Variants in GPC5 observed in about 807,000 individuals in gnomAD.
The protein encoded by GPC5 is glypican-5.
GPC5 carries 47 observed loss-of-function variants against 53.9 expected under a neutral mutation model. The ratio of observed to expected loss-of-function variants is 0.87; its 90% confidence interval spans 0.69 to 1.11. The LOEUF (loss-of-function observed/expected upper bound fraction) is 1.11. Among genes scored for constraint, GPC5 ranks in the 50% most tolerant of loss-of-function variants. GPC5 has a pLI of 0.00. For synonymous variants in GPC5, 286 were observed against 263.3 expected, an observed-to-expected ratio of 1.09 and a Z score of -0.84; for missense variants, 748 against 713.1, an observed-to-expected ratio of 1.05 and a Z score of -0.56.
intron 6 of GPC5, among the ~76,000 whole-genome samples, chr13:92,089,913 A>T (rs2041365970): frequency 6.6e-6 from 1 of 152,210 alleles, no homozygotes; most frequent in Non-Finnish European, 1.5e-5. Flanking sequence ...ACTATATGGT[A>T]TAAGAAGACA....
intron 7 of GPC5, among the ~76,000 whole-genome samples, chr13:92,148,140 A>G (rs1299293357): frequency 6.6e-6 from 1 of 152,100 alleles, no homozygotes; most frequent in African/African-American, 2.4e-5. Flanking sequence ...TTAAAGTTAT[A>G]TATGTGTATA....
chr13:92,380,593 A>G (rs2043730544), intron 7 of GPC5, among the ~76,000 whole-genome samples: 1 of 152,110 alleles, frequency 6.6e-6, no homozygotes, highest in East Asian at 1.9e-4. Flanking sequence ...ACCATGGAAT[A>G]CTATGCAGCC....
chr13:92,834,260 T>C (rs1017604058), intron 7 of GPC5, among the ~76,000 whole-genome samples: 17 of 152,338 alleles, frequency 1.1e-4, no homozygotes, highest in African/African-American at 4.1e-4. Context: ...TAATTATTTT[T>C]ATTTTCTCTT....
intron 6 of GPC5, among the ~76,000 whole-genome samples, chr13:92,006,437 T>C (rs556180836): frequency 1.3e-5 from 2 of 152,150 alleles, no homozygotes; most frequent in Admixed American, 6.5e-5. Flanking sequence ...GGCTAAGAAA[T>C]TGTGTGTTTT....
At chr13:92,048,243 A>C (rs1359670) in intron 6 of GPC5, among the ~76,000 whole-genome samples, 66,943 of 151,672 alleles carry the variant, frequency 0.44, 15,119 homozygotes, top group Admixed American at 0.52. Flanking sequence ...TACAAATAAT[A>C]GTGTATGTTA....
At chr13:91,804,418 A>G in intron 5 of GPC5, among the ~76,000 whole-genome samples, 1 of 152,158 alleles carries the variant, frequency 6.6e-6, no homozygotes, top group East Asian at 1.9e-4. Context: ...CATGCTTTAC[A>G]ATCATGACAT....
chr13:91,608,104 A>G (rs9515955), intron 2 of GPC5, among the ~76,000 whole-genome samples: 74,774 of 152,078 alleles, frequency 0.49, 22,524 homozygotes, highest in East Asian at 0.7. Flanking sequence ...GAAATAATAA[A>G]CCATTATAAA....
chr13:91,706,767 G>C (rs1234743747), intron 3 of GPC5, among the ~76,000 whole-genome samples: 1 of 151,974 alleles, frequency 6.6e-6, no homozygotes, highest in Non-Finnish European at 1.5e-5. Context: ...TGAAGAAGAT[G>C]TTCCTACAGG....
chr13:91,962,488 T>A (rs1317719590), intron 6 of GPC5, among the ~76,000 whole-genome samples: 1 of 152,138 alleles, frequency 6.6e-6, no homozygotes, highest in East Asian at 1.9e-4. Context: ...TTAGAATGTT[T>A]TTATACATTT....
intron 6 of GPC5, among the ~76,000 whole-genome samples, chr13:91,934,256 A>G (rs540419487): frequency 2.0e-5 from 3 of 152,068 alleles, no homozygotes; most frequent in Admixed American, 2.0e-4. Context: ...AGTTTTAAAA[A>G]TAATTAATTG....
intron 5 of GPC5, among the ~76,000 whole-genome samples, chr13:91,819,793 C>T (rs1334946917): frequency 6.6e-6 from 1 of 152,100 alleles, no homozygotes; most frequent in Non-Finnish European, 1.5e-5. Flanking sequence ...ATAAGTTTTG[C>T]ATGCTCTCAG....
At chr13:91,871,891 A>G (rs1296650066) in intron 5 of GPC5, among the ~76,000 whole-genome samples, 1 of 152,122 alleles carries the variant, frequency 6.6e-6, no homozygotes, top group Non-Finnish European at 1.5e-5. Context: ...TGTGACTGAA[A>G]GAAAGAAAGA....
chr13:92,473,615 C>G (rs907200971), intron 7 of GPC5, among the ~76,000 whole-genome samples: 6 of 152,090 alleles, frequency 3.9e-5, no homozygotes, highest in Non-Finnish European at 8.8e-5. Context: ...AAATTTCAAA[C>G]AGTATCTTAA....
intron 7 of GPC5, among the ~76,000 whole-genome samples, chr13:92,631,806 A>C (rs564540418): frequency 2.0e-5 from 3 of 152,334 alleles, no homozygotes; most frequent in Admixed American, 6.5e-5. Context: ...GCGATGTATC[A>C]CAGCCAAAGC....
intron 6 of GPC5, among the ~76,000 whole-genome samples, chr13:92,021,687 AT>A (rs2040759924): frequency 6.6e-6 from 1 of 152,212 alleles, no homozygotes; most frequent in African/African-American, 2.4e-5. Context: ...ATCAGTTATA[AT>A]TCTACTTCTG....
intron 7 of GPC5, among the ~76,000 whole-genome samples, chr13:92,256,607 G>T (rs1215929163): frequency 1.3e-5 from 2 of 151,674 alleles, no homozygotes; most frequent in South Asian, 4.2e-4. Flanking sequence ...AATATAACAT[G>T]CATCTAACAT....
At chr13:92,260,706 T>C (rs948725657) in intron 7 of GPC5, among the ~76,000 whole-genome samples, 1 of 152,162 alleles carries the variant, frequency 6.6e-6, no homozygotes, top group African/African-American at 2.4e-5. Context: ...ATGGTTTTAG[T>C]CCCTTTCCTC....
chr13:92,104,525 T>C (rs757573535), intron 6 of GPC5, among the ~76,000 whole-genome samples: 3 of 152,160 alleles, frequency 2.0e-5, no homozygotes, highest in Non-Finnish European at 2.9e-5. Context: ...GTAGGTCAGA[T>C]ACATGCCCCA....
At chr13:91,551,831 G>A (rs974288548) in intron 2 of GPC5, among the ~76,000 whole-genome samples, 1 of 152,056 alleles carries the variant, frequency 6.6e-6, no homozygotes, top group African/African-American at 2.4e-5. Flanking sequence ...TCAGGATGTG[G>A]TGTTTCTTTG....
Sources: gnomAD v4.1 joint callset for allele counts (sites outside exome capture counted in the v4.1 genomes callset) on GRCh38, gnomAD v4.1.1 for gene constraint, MANE v1.5 for transcripts, NCBI Gene and HGNC (gene_info 2026-07-23, HGNC 2026-07-21) for gene names.